Variants in ZBTB7C observed in about 807,000 individuals in gnomAD.
ZBTB7C encodes the protein zinc finger and BTB domain-containing protein 7C.
Under a neutral mutation model 25.7 loss-of-function variants are expected in ZBTB7C, and 8 were observed. That is an observed-to-expected ratio of 0.31 (90% CI 0.18 to 0.56). The LOEUF (loss-of-function observed/expected upper bound fraction) is 0.56, where lower values mean the gene tolerates loss of function less well. ZBTB7C is among the 20% of genes least tolerant of loss of function. The pLI is 0.91. For missense variants in ZBTB7C, 824 were observed against 855.2 expected, an observed-to-expected ratio of 0.96 and a Z score of 0.46; for synonymous variants, 394 against 369.0, an observed-to-expected ratio of 1.07 and a Z score of -0.78.
In ZBTB7C at chr18:48,142,784, CTT is replaced by C. The variant is rs201091930; in HGVS notation, c.-17+43148_-17+43149del. Among the ~76,000 whole-genome samples, 1,045 of 146,832 alleles carry C rather than the reference CTT, an allele frequency of 7.1e-3. 5 individuals carry two copies. Among genetic ancestry groups the C allele is most frequent in the Non-Finnish European group, 0.011 (720 of 67,944 alleles). ...ACTAGCTAGGGGAGGCAGATTCCCT[CTT>C]GTCTTCCTTCCTCCCTCCTTCCTTC... On this transcript the variant is annotated intron_variant, in intron 3 of 4. Transcript: ENST00000590800.
chr18:48,067,953 A>G (rs2037391923), intron 3 of ZBTB7C, among the ~76,000 whole-genome samples: 1 of 151,986 alleles, frequency 6.6e-6, no homozygotes, highest in Non-Finnish European at 1.5e-5. Flanking sequence ...GTGAGCCAAG[A>G]TTGCACCATT....
chr18:48,217,815 C>T (rs1229594298), intron 2 of ZBTB7C, among the ~76,000 whole-genome samples: 1 of 152,060 alleles, frequency 6.6e-6, no homozygotes, highest in African/African-American at 2.4e-5. Context: ...CCTTGGGTGG[C>T]CAGGGAACAC....
chr18:48,287,418 T>G (rs1481483438), intron 2 of ZBTB7C, among the ~76,000 whole-genome samples: 2 of 152,146 alleles, frequency 1.3e-5, no homozygotes, highest in Non-Finnish European at 2.9e-5. Context: ...ATACACTGAA[T>G]CAGTAATTTA....
intron 2 of ZBTB7C, among the ~76,000 whole-genome samples, chr18:48,277,018 C>T (rs1382215213): frequency 6.6e-6 from 1 of 151,942 alleles, no homozygotes; most frequent in Non-Finnish European, 1.5e-5. Flanking sequence ...TGGATTTAAA[C>T]GTTAGACCTA....
chr18:48,377,533 C>G (rs2047547463), intron 1 of ZBTB7C, among the ~76,000 whole-genome samples: 1 of 152,236 alleles, frequency 6.6e-6, no homozygotes. Context: ...CTAAGGCCCA[C>G]ACTGGGCCCA....
At chr18:48,358,698 G>A (rs551671852) in intron 1 of ZBTB7C, among the ~76,000 whole-genome samples, 1 of 152,296 alleles carries the variant, frequency 6.6e-6, no homozygotes, top group East Asian at 1.9e-4. Flanking sequence ...AATTGCAGTA[G>A]CTGAGAACAC....
chr18:48,363,415 C>G (rs549606189), intron 1 of ZBTB7C, among the ~76,000 whole-genome samples: 3 of 152,114 alleles, frequency 2.0e-5, no homozygotes, highest in African/African-American at 4.8e-5. Flanking sequence ...ACCTAGAATT[C>G]CTGCTGCTGC....
At chr18:48,034,718 C>T (rs1200602970) in intron 4 of ZBTB7C, among the ~76,000 whole-genome samples, 1 of 152,202 alleles carries the variant, frequency 6.6e-6, no homozygotes, top group Non-Finnish European at 1.5e-5. Context: ...AACATGCTCC[C>T]CTCTGGCCCT....
chr18:48,228,801 A>G (rs960474204), intron 2 of ZBTB7C, among the ~76,000 whole-genome samples: 1 of 151,602 alleles, frequency 6.6e-6, no homozygotes, highest in African/African-American at 2.4e-5. Flanking sequence ...TCGTACATGA[A>G]CACACCCCCA....
At chr18:48,185,532 T>A (rs957548352) in intron 3 of ZBTB7C, 2 of 276,922 alleles carry the variant, frequency 7.2e-6, no homozygotes, top group African/African-American at 4.5e-5. Context: ...CACTGTTAAA[T>A]GGCCTCTATG....
rs141972078 is a variant in ZBTB7C, at chr18:48,171,203, C to A, written c.-17+14731G>T. On this transcript the variant is annotated intron_variant, in intron 3 of 4. Coordinates refer to ENST00000590800, the MANE Select transcript of ZBTB7C (RefSeq NM_001318841.2). ...TGGTCCAGTGCTCACAGGCCTGGCC[C>A]CAAGTTAAACAAGAGGACAAAGCCC... Among the ~76,000 whole-genome samples, 11 of 152,308 alleles carry A rather than the reference C, an allele frequency of 7.2e-5. 1 individual carries two copies. Among genetic ancestry groups the A allele is most frequent in the African/African-American group, 2.6e-4 (11 of 41,566 alleles).
chr18:48,086,245 A>G (rs1012056262), intron 3 of ZBTB7C, among the ~76,000 whole-genome samples: 2 of 152,202 alleles, frequency 1.3e-5, no homozygotes, highest in Non-Finnish European at 2.9e-5. Context: ...AGTATGTATT[A>G]TCTCATTTAA....
At chr18:48,281,532 A>C (rs1198731725) in intron 2 of ZBTB7C, among the ~76,000 whole-genome samples, 22 of 152,176 alleles carry the variant, frequency 1.4e-4, no homozygotes, top group Non-Finnish European at 3.2e-4. Flanking sequence ...CAACCTACAA[A>C]ATGGGAGAAA....
At chr18:48,353,989 C>T (rs1234484700) in intron 1 of ZBTB7C, among the ~76,000 whole-genome samples, 1 of 152,164 alleles carries the variant, frequency 6.6e-6, no homozygotes, top group Non-Finnish European at 1.5e-5. Context: ...GCCATATTTT[C>T]CTTACTTCAA....
At chr18:48,322,517 A>G (rs950687769) in intron 2 of ZBTB7C, among the ~76,000 whole-genome samples, 5 of 152,260 alleles carry the variant, frequency 3.3e-5, no homozygotes, top group Non-Finnish European at 5.9e-5. Flanking sequence ...GCCAGTTCAG[A>G]AAACCAAGCT....
intron 3 of ZBTB7C, among the ~76,000 whole-genome samples, chr18:48,086,970 A>G (rs939203930): frequency 1.3e-5 from 2 of 152,216 alleles, no homozygotes; most frequent in African/African-American, 2.4e-5. Flanking sequence ...AAGGGTTAAC[A>G]TATATTGTTT....
chr18:48,392,641 C>T (rs1475833806), intron 1 of ZBTB7C, among the ~76,000 whole-genome samples: 1 of 152,182 alleles, frequency 6.6e-6, no homozygotes, highest in African/African-American at 2.4e-5. Context: ...CAGCTTTTAC[C>T]AGAATCTCTC....
At chr18:48,219,516 AG>A (rs1454011402) in intron 2 of ZBTB7C, among the ~76,000 whole-genome samples, 1 of 152,174 alleles carries the variant, frequency 6.6e-6, no homozygotes, top group Non-Finnish European at 1.5e-5. Context: ...GTGCCTTCCC[AG>A]GTCACACAGC....
intron 3 of ZBTB7C, among the ~76,000 whole-genome samples, chr18:48,117,311 T>C (rs1218610793): frequency 6.6e-6 from 1 of 152,194 alleles, no homozygotes; most frequent in Non-Finnish European, 1.5e-5. Context: ...GGTGGGCAGA[T>C]GGGAGTTAAT....
Sources: gnomAD v4.1 joint callset for allele counts (sites outside exome capture counted in the v4.1 genomes callset) on GRCh38, gnomAD v4.1.1 for gene constraint, MANE v1.5 for transcripts, NCBI Gene and HGNC (gene_info 2026-07-23, HGNC 2026-07-21) for gene names.